PSAT1: variants seen among roughly 807,000 people sequenced by gnomAD.
PSAT1 encodes the protein phosphoserine aminotransferase.
Under a neutral mutation model 40.3 loss-of-function variants are expected in PSAT1, and 41 were observed. That is an observed-to-expected ratio of 1.02 (90% CI 0.79 to 1.32). The LOEUF (loss-of-function observed/expected upper bound fraction) is 1.32, where lower values mean the gene tolerates loss of function less well. PSAT1 is among the 40% of genes most tolerant of loss of function. The pLI, the probability that PSAT1 is intolerant of heterozygous loss-of-function variation, is 0.00. For missense variants in PSAT1, 406 were observed against 455.8 expected (o/e 0.89, Z 0.99); for synonymous variants, 147 against 170.5 (o/e 0.86, Z 1.07).
Position 78,301,974 on chromosome 9 carries a change from G to C in PSAT1, c.142G>C (p.Asp48His). ...CACAGAAATGAGTCACAGGTCATCA[G>C]ATTTTGCCAAGATTATTAACAATAC... ...SVLEMSHRSS[D>H]FAKIINNTEN... is the part of the protein sequence containing the mutation. The change falls in exon 3 of 9, where the codon GAT (aspartate) becomes CAT (histidine). Residue 48 changes from aspartate to histidine, a missense_variant. Transcript: ENST00000376588. 6.2e-7 allele frequency: 1 copy of C among 1,611,576 alleles called. No homozygotes were observed. Among genetic ancestry groups the C allele is most frequent in the Non-Finnish European group, 8.5e-7 (1 of 1,177,814 alleles).
At chr9:78,326,179 G>C (rs1339440595) in intron 7 of PSAT1, among the ~76,000 whole-genome samples, 2 of 152,044 alleles carry the variant, frequency 1.3e-5, no homozygotes, top group African/African-American at 4.8e-5. Context: ...ACTTTAACAA[G>C]AATTACAGAT....
At chr9:78,318,200 C>T (rs2118683396) in intron 7 of PSAT1, among the ~76,000 whole-genome samples, 1 of 152,326 alleles carries the variant, frequency 6.6e-6, no homozygotes, top group African/African-American at 2.4e-5. Context: ...GACAAATACT[C>T]CTGTCCTCCT....
At chr9:78,306,584 G>A in intron 5 of PSAT1, 98 bp downstream of exon 5, 1 of 1,479,062 alleles carries the variant, frequency 6.8e-7, no homozygotes, top group Non-Finnish European at 9.4e-7. Flanking sequence ...GGGTGTTTGA[G>A]GCCTGCAGAA....
intron 6 of PSAT1, among the ~76,000 whole-genome samples, chr9:78,309,174 C>T (rs115583149): frequency 0.014 from 2,161 of 152,204 alleles, 44 homozygotes; most frequent in African/African-American, 0.048. Flanking sequence ...ATCCAGGATC[C>T]GGTGGTTCAC....
chr9:78,305,000 G>A (rs1828161278), intron 4 of PSAT1, 60 bp downstream of exon 4: 4 of 1,481,072 alleles, frequency 2.7e-6, no homozygotes, highest in Non-Finnish European at 3.7e-6. Context: ...CCCCGACCCA[G>A]GGCAATCTGT....
At chr9:78,322,690 G>T (rs1301275076) in intron 7 of PSAT1, among the ~76,000 whole-genome samples, 1 of 152,172 alleles carries the variant, frequency 6.6e-6, no homozygotes, top group Non-Finnish European at 1.5e-5. Context: ...AATGAAAAAG[G>T]ATAAGGAAAT....
Position 78,297,151 on chromosome 9 carries a change from A to G in PSAT1, c.-60A>G. ...CAGACTCTCACCGCAGCGGCCAGGA[A>G]CGCCAGCCGTTCACGCGTTCGGTCC... On this transcript the variant is annotated 5_prime_UTR_variant, in exon 1 of 9. Transcript: ENST00000376588. 2 of 1,527,592 alleles carry G rather than the reference A, an allele frequency of 1.3e-6. No homozygotes were observed. Among genetic ancestry groups the G allele is most frequent in the South Asian group, 1.2e-5 (1 of 84,808 alleles). 94.6% of individuals were successfully genotyped at this position (1,527,592 alleles called of 1,614,324 possible).
At chr9:78,322,535 G>T (rs1436575381) in intron 7 of PSAT1, among the ~76,000 whole-genome samples, 1 of 152,108 alleles carries the variant, frequency 6.6e-6, no homozygotes, top group African/African-American at 2.4e-5. Flanking sequence ...GTAAAAGAAT[G>T]ACGTATTTAA....
chr9:78,323,344 G>C (rs1439121741), intron 7 of PSAT1, among the ~76,000 whole-genome samples: 1 of 152,176 alleles, frequency 6.6e-6, no homozygotes, highest in Non-Finnish European at 1.5e-5. Flanking sequence ...GCCAAGGTGG[G>C]AGAATTGTTT....
intron 3 of PSAT1, among the ~76,000 whole-genome samples, chr9:78,303,518 G>A (rs1286014328): frequency 1.3e-5 from 2 of 152,114 alleles, no homozygotes; most frequent in Non-Finnish European, 2.9e-5. Context: ...TTGTATACCT[G>A]TACCTAGACC....
rs534472100 is a variant in PSAT1, at chr9:78,327,212, C to T, written c.870-839C>T. Among the ~76,000 whole-genome samples the T allele has an allele frequency of 3.3e-5, 5 of 151,700 alleles. No individual in the cohort carries two copies. The South Asian group carries it at 6.3e-4, about 19-fold the overall frequency. On this transcript the variant is annotated intron_variant, in intron 7 of 8. Coordinates refer to ENST00000376588, the MANE Select transcript of PSAT1 (RefSeq NM_058179.4). Reference sequence around the variant, plus strand: ...TCCTGACCTCGTGATCCACCTGCCTCGGCTTCCCAAAGTGCTGGGATTATA... The same window carrying T: ...TCCTGACCTCGTGATCCACCTGCCTTGGCTTCCCAAAGTGCTGGGATTATA...
chr9:78,309,759 A>G (rs913653757), intron 6 of PSAT1, among the ~76,000 whole-genome samples: 2 of 152,220 alleles, frequency 1.3e-5, no homozygotes, highest in Non-Finnish European at 2.9e-5. Context: ...CAGGAAGAGC[A>G]GGGTTGCCCT....
At chr9:78,311,828 T>TCAAAAC (rs201165450) in intron 6 of PSAT1, among the ~76,000 whole-genome samples, 25,069 of 150,998 alleles carry the variant, frequency 0.17, 2,277 homozygotes, top group South Asian at 0.31. Context: ...TGAGACTGTC[T>TCAAAAC]GAAAACAAAA....
chr9:78,317,880 A>G, intron 7 of PSAT1, 76 bp downstream of exon 7: 2 of 1,492,826 alleles, frequency 1.3e-6, no homozygotes, highest in Non-Finnish European at 1.9e-6. Flanking sequence ...ACCTTTGAAA[A>G]GTGGACATAT....
intron 7 of PSAT1, among the ~76,000 whole-genome samples, chr9:78,324,159 C>G (rs1260871725): frequency 2.0e-5 from 3 of 152,116 alleles, no homozygotes; most frequent in Admixed American, 6.6e-5. Context: ...GTTTTTCAGT[C>G]ATGGGGGAAC....
chr9:78,309,250 T>G (rs942447967), intron 6 of PSAT1, among the ~76,000 whole-genome samples: 3 of 152,246 alleles, frequency 2.0e-5, no homozygotes, highest in African/African-American at 7.2e-5. Flanking sequence ...CAGTGCAGCT[T>G]TGGAGAAGAA....
chr9:78,319,442 A>C (rs1828395817), intron 7 of PSAT1, among the ~76,000 whole-genome samples: 1 of 152,032 alleles, frequency 6.6e-6, no homozygotes, highest in East Asian at 1.9e-4. Flanking sequence ...AGGGGTACAC[A>C]CTCTGCATTA....
chr9:78,298,739 G>T (rs1231080541), intron 1 of PSAT1, among the ~76,000 whole-genome samples: 1 of 152,014 alleles, frequency 6.6e-6, no homozygotes, highest in Admixed American at 6.6e-5. Context: ...GGAGGGTGAG[G>T]GGGCAGGCAG....
intron 7 of PSAT1, among the ~76,000 whole-genome samples, chr9:78,318,054 A>G (rs575675720): frequency 3.0e-4 from 45 of 152,246 alleles, no homozygotes; most frequent in Non-Finnish European, 4.3e-4. Flanking sequence ...CACCAAAGAC[A>G]TCGCCCTGGG....
Sources: gnomAD v4.1 joint callset for allele counts (sites outside exome capture counted in the v4.1 genomes callset) on GRCh38, gnomAD v4.1.1 for gene constraint, MANE v1.5 for transcripts, NCBI Gene and HGNC (gene_info 2026-07-23, HGNC 2026-07-21) for gene names.